Variants in PIP4K2A observed in about 807,000 individuals in gnomAD.
PIP4K2A encodes the protein phosphatidylinositol-5-phosphate 4-kinase type 2 alpha.
In PIP4K2A, 14 loss-of-function variants were observed where a neutral mutation model predicts 42.9. That is an observed-to-expected ratio of 0.33 (90% CI 0.22 to 0.51). The LOEUF is 0.51. Among genes scored for constraint, PIP4K2A ranks in the 20% least tolerant of loss-of-function variants. The pLI is 0.97. For synonymous variants in PIP4K2A, 192 were observed against 192.2 expected (o/e 1.00, Z 0.01); for missense variants, 434 against 519.8 (o/e 0.83, Z 1.61).
intron 1 of PIP4K2A, among the ~76,000 whole-genome samples, chr10:22,622,876 G>A (rs1388236364): frequency 6.6e-6 from 1 of 152,068 alleles, no homozygotes; most frequent in African/African-American, 2.4e-5. Context: ...GTCACAGTAA[G>A]GTGAATGCTA....
chr10:22,605,603 T>C (rs368105729), intron 3 of PIP4K2A, among the ~76,000 whole-genome samples: 12 of 152,304 alleles, frequency 7.9e-5, no homozygotes, highest in African/African-American at 1.7e-4. Flanking sequence ...GAATTGATTA[T>C]GACAAGAAAT....
chr10:22,625,337 T>C (rs1264003377), intron 1 of PIP4K2A, among the ~76,000 whole-genome samples: 3 of 152,260 alleles, frequency 2.0e-5, no homozygotes, highest in South Asian at 2.1e-4. Context: ...AAAGATTTTC[T>C]GTAGTGTTAA....
At chr10:22,554,292 A>T (rs574513810) in intron 6 of PIP4K2A, among the ~76,000 whole-genome samples, 190 of 152,292 alleles carry the variant, frequency 1.2e-3, no homozygotes, top group African/African-American at 3.8e-3. Context: ...TCTTTTTTTT[A>T]AATGTGGAAA....
At chr10:22,638,851 G>A (rs749973147) in intron 1 of PIP4K2A, among the ~76,000 whole-genome samples, 12 of 152,240 alleles carry the variant, frequency 7.9e-5, no homozygotes, top group East Asian at 5.8e-4. Context: ...TATTATGCCC[G>A]TGTAAGAATC....
chr10:22,713,428 G>A (rs1163581444), intron 1 of PIP4K2A, among the ~76,000 whole-genome samples: 1 of 151,962 alleles, frequency 6.6e-6, no homozygotes, highest in Non-Finnish European at 1.5e-5. Context: ...GGTGACTTCT[G>A]CCTGACTCCC....
rs570076337 is a variant in PIP4K2A, at chr10:22,658,639, A to G, written c.145-48922T>C. Among the ~76,000 whole-genome samples the G allele has an allele frequency of 1.1e-3, 164 of 152,324 alleles. 1 individual carries two copies. The highest frequency in any genetic ancestry group is 3.1e-3 in the African/African-American group (130 of 41,566). On this transcript the variant is annotated intron_variant, in intron 1 of 9. Coordinates refer to ENST00000376573, the MANE Select transcript of PIP4K2A (RefSeq NM_005028.5). ...TAGACTAGATCTTTACCAAATCTCT[A>G]TTTCATCAATCCAGTGGGATCATAT...
At chr10:22,656,878 G>C (rs1489327871) in intron 1 of PIP4K2A, among the ~76,000 whole-genome samples, 5 of 151,918 alleles carry the variant, frequency 3.3e-5, no homozygotes, top group Admixed American at 2.0e-4. Context: ...ACTACACCTG[G>C]ATTTTTTTTA....
intron 1 of PIP4K2A, among the ~76,000 whole-genome samples, chr10:22,655,873 A>G (rs1839090225): frequency 6.6e-6 from 1 of 152,032 alleles, no homozygotes; most frequent in Admixed American, 6.5e-5. Context: ...TTAAGAGCTG[A>G]GTGTGTTGTG....
rs1003643789 is a variant in PIP4K2A at position 22,535,933 on chromosome 10, A to T, written c.*1268T>A. 9 of 393,162 alleles carry T rather than the reference A, an allele frequency of 2.3e-5. No homozygotes were observed. The highest frequency in any genetic ancestry group is 2.7e-5 in the Non-Finnish European group (6 of 223,054). The allele number at this position is 393,162 out of a possible 1,614,324, so 24.4% of individuals were successfully genotyped here. On this transcript the variant is annotated 3_prime_UTR_variant, in exon 10 of 10. Transcript: ENST00000376573. The stretch of plus-strand genomic sequence containing the variant: ...CTTTTATTGTGAAAGACTGTCTACC[A>T]TGTACTTTGACTAAAACACTCACGT...
In PIP4K2A at chr10:22,688,689, G is replaced by A. The variant is rs574520878; in HGVS notation, c.144+25494C>T. The stretch of plus-strand genomic sequence containing the variant: ...GCTGGTCTTGAACTCCTGGGCTAAA[G>A]TGATCCTCCTACCTCAGACTCCCAA... On this transcript the variant is annotated intron_variant, in intron 1 of 9. Coordinates refer to ENST00000376573, the MANE Select transcript of PIP4K2A (RefSeq NM_005028.5). 7.9e-5 allele frequency among the ~76,000 whole-genome samples: 12 copies of A among 152,280 alleles called. No homozygotes were observed. In the South Asian group the frequency reaches 2.5e-3, roughly 32 times the overall value.
Position 22,580,091 on chromosome 10 carries a change from C to T in PIP4K2A, c.493-6634G>A, listed in dbSNP as rs553007042. On this transcript the variant is annotated intron_variant, in intron 4 of 9. Coordinates refer to ENST00000376573, the MANE Select transcript of PIP4K2A (RefSeq NM_005028.5). ...TGAGGGAGGGAGACTTCCAGGAGCA[C>T]CTGATATGTGCCCCAAATGCTCTCA... Among the ~76,000 whole-genome samples the T allele has an allele frequency of 2.0e-5, 3 of 151,848 alleles. No individual in the cohort carries two copies. The South Asian group carries it at 6.2e-4, about 32-fold the overall frequency.
intron 1 of PIP4K2A, among the ~76,000 whole-genome samples, chr10:22,615,973 C>T (rs1166913078): frequency 6.6e-6 from 1 of 152,124 alleles, no homozygotes; most frequent in African/African-American, 2.4e-5. Context: ...CTGTTTATGC[C>T]GTGCCAGTCA....
chr10:22,614,482 CA>C (rs1177104525), intron 1 of PIP4K2A, among the ~76,000 whole-genome samples: 1 of 152,180 alleles, frequency 6.6e-6, no homozygotes, highest in African/African-American at 2.4e-5. Context: ...ATTTGCATCA[CA>C]TTGCTTTTGG....
At chr10:22,631,345 A>T (rs964092194) in intron 1 of PIP4K2A, among the ~76,000 whole-genome samples, 1 of 151,990 alleles carries the variant, frequency 6.6e-6, no homozygotes. Context: ...GTGGGCCCTG[A>T]TCTGATGGAA....
intron 6 of PIP4K2A, among the ~76,000 whole-genome samples, chr10:22,553,297 C>G (rs959859789): frequency 2.0e-5 from 3 of 152,174 alleles, no homozygotes; most frequent in South Asian, 2.1e-4. Flanking sequence ...TGCTGCAAGA[C>G]AGAGTGCTCA....
chr10:22,639,485 ACTTTT>A (rs769835151), intron 1 of PIP4K2A, among the ~76,000 whole-genome samples: 16 of 151,976 alleles, frequency 1.1e-4, no homozygotes, highest in Non-Finnish European at 2.1e-4. Flanking sequence ...TATATGTCCA[ACTTTT>A]CTTAGGTTCA....
intron 3 of PIP4K2A, among the ~76,000 whole-genome samples, chr10:22,596,522 A>C (rs1261240446): frequency 6.6e-6 from 1 of 152,226 alleles, no homozygotes; most frequent in Non-Finnish European, 1.5e-5. Flanking sequence ...TGCTGCCTCA[A>C]AACAGTCTAT....
chr10:22,602,390 T>G (rs1837804212), intron 3 of PIP4K2A, among the ~76,000 whole-genome samples: 1 of 116,578 alleles, frequency 8.6e-6, no homozygotes, highest in African/African-American at 4.0e-5. Flanking sequence ...TGAAACTCTG[T>G]CTATAAAAAA....
chr10:22,620,161 CTCAA>C (rs1838289435), intron 1 of PIP4K2A, among the ~76,000 whole-genome samples: 3 of 152,202 alleles, frequency 2.0e-5, no homozygotes, highest in Admixed American at 6.5e-5. Flanking sequence ...TATCTGCAAG[CTCAA>C]TCAGACTCTT....
Sources: allele counts gnomAD v4.1 joint callset (sites outside exome capture counted in the v4.1 genomes callset), GRCh38; gene constraint gnomAD v4.1.1; transcripts MANE v1.5; gene names NCBI Gene and HGNC (gene_info 2026-07-23, HGNC 2026-07-21).